The following REDIC1 variants were observed in gnomAD, a reference collection of about 807,000 sequenced individuals.
The protein encoded by REDIC1 is regulator of DNA class I crossover intermediates 1.
At chr12:39,708,982 C>G in the REDIC1 span, among the ~76,000 whole-genome samples, 1 of 151,752 alleles carries the variant, frequency 6.6e-6, no homozygotes, top group Non-Finnish European at 1.5e-5. Flanking sequence ...GTTGAGTAGT[C>G]CTGTCTGAGA....
At chr12:39,893,662 A>C in the REDIC1 span, among the ~76,000 whole-genome samples, 4 of 152,298 alleles carry the variant, frequency 2.6e-5, no homozygotes, top group Non-Finnish European at 5.9e-5. Context: ...TAAAAGTTAA[A>C]TTCTAACTAG....
At chr12:39,826,431 T>A in the REDIC1 span, among the ~76,000 whole-genome samples, 1 of 151,496 alleles carries the variant, frequency 6.6e-6, no homozygotes, top group African/African-American at 2.4e-5. Context: ...TAAAAACAGT[T>A]ATATTTAGAT....
chr12:39,664,765 A>G, the REDIC1 span, among the ~76,000 whole-genome samples: 3 of 152,218 alleles, frequency 2.0e-5, no homozygotes, highest in Non-Finnish European at 4.4e-5. Flanking sequence ...AATAATCGCC[A>G]TTCTAACTGG....
At chr12:39,816,322 T>C in the REDIC1 span, among the ~76,000 whole-genome samples, 1 of 150,814 alleles carries the variant, frequency 6.6e-6, no homozygotes, top group East Asian at 2.0e-4. Flanking sequence ...TAGGTTGGGT[T>C]GCCTAGAAAA....
At chr12:39,668,616 G>A in the REDIC1 span, among the ~76,000 whole-genome samples, 163 of 152,254 alleles carry the variant, frequency 1.1e-3, no homozygotes, top group African/African-American at 3.9e-3. Context: ...TGCTAGACTG[G>A]GGAGGTTCTC....
the REDIC1 span, among the ~76,000 whole-genome samples, chr12:39,748,692 A>G: frequency 6.6e-6 from 1 of 152,258 alleles, no homozygotes; most frequent in South Asian, 2.1e-4. Flanking sequence ...CAGCAAATGT[A>G]AAAGAACAGA....
chr12:39,743,481 C>CA, the REDIC1 span, among the ~76,000 whole-genome samples: 1 of 152,142 alleles, frequency 6.6e-6, no homozygotes, highest in East Asian at 1.9e-4. Flanking sequence ...TACTAAAAGG[C>CA]AAAAAACACA....
At chr12:39,895,530 A>G in the REDIC1 span, among the ~76,000 whole-genome samples, 8,238 of 97,622 alleles carry the variant, frequency 0.084, 1,351 homozygotes, top group East Asian at 0.23. Context: ...ATATATATAT[A>G]TATATATATA....
chr12:39,753,898 G>A, the REDIC1 span, among the ~76,000 whole-genome samples: 2 of 152,158 alleles, frequency 1.3e-5, no homozygotes, highest in East Asian at 1.9e-4. Context: ...TAGGCAGTAA[G>A]TTGAAAAGCT....
At chr12:39,688,081 G>A in the REDIC1 span, among the ~76,000 whole-genome samples, 1 of 152,188 alleles carries the variant, frequency 6.6e-6, no homozygotes, top group African/African-American at 2.4e-5. Flanking sequence ...AATGTTTCCT[G>A]TATGCTAGAC....
chr12:39,856,814 A>T, the REDIC1 span, among the ~76,000 whole-genome samples: 24 of 152,358 alleles, frequency 1.6e-4, no homozygotes, highest in Non-Finnish European at 2.6e-4. Flanking sequence ...AGAGTGTTTT[A>T]AGTGTTAATA....
the REDIC1 span, among the ~76,000 whole-genome samples, chr12:39,696,954 CT>C: frequency 6.6e-5 from 10 of 152,072 alleles, no homozygotes; most frequent in African/African-American, 2.2e-4. Context: ...GAGGGCAAAT[CT>C]AAGAGTGGTT....
chr12:39,664,537 C>T, the REDIC1 span, among the ~76,000 whole-genome samples: 7 of 152,046 alleles, frequency 4.6e-5, no homozygotes, highest in African/African-American at 7.2e-5. Context: ...AATAAACATA[C>T]GTGTGCATGT....
the REDIC1 span, among the ~76,000 whole-genome samples, chr12:39,685,648 A>G: frequency 6.6e-6 from 1 of 151,940 alleles, no homozygotes; most frequent in Non-Finnish European, 1.5e-5. Context: ...CAGCCCCCCA[A>G]ATCTCATGTC....
chr12:39,883,683 C>T, the REDIC1 span, among the ~76,000 whole-genome samples: 552 of 152,298 alleles, frequency 3.6e-3, 2 homozygotes, highest in African/African-American at 0.012. Context: ...TAAAGGTTCA[C>T]TTGTAAGTAA....
the REDIC1 span, among the ~76,000 whole-genome samples, chr12:39,644,789 G>T: frequency 6.6e-6 from 1 of 151,818 alleles, no homozygotes; most frequent in Non-Finnish European, 1.5e-5. Context: ...TCCATTGCTA[G>T]GTTTATGGCT....
the REDIC1 span, among the ~76,000 whole-genome samples, chr12:39,842,736 AT>A: frequency 6.6e-6 from 1 of 152,034 alleles, no homozygotes; most frequent in East Asian, 1.9e-4. Flanking sequence ...ATTCCGGAAC[AT>A]TTTCATTGCT....
chr12:39,668,995 C>T, the REDIC1 span, among the ~76,000 whole-genome samples: 93 of 152,002 alleles, frequency 6.1e-4, no homozygotes, highest in African/African-American at 2.2e-3. Flanking sequence ...GCCATGGGTT[C>T]GAACTTCCTC....
the REDIC1 span, among the ~76,000 whole-genome samples, chr12:39,782,804 G>A: frequency 6.6e-6 from 1 of 152,196 alleles, no homozygotes; most frequent in Non-Finnish European, 1.5e-5. Context: ...GGTCCAGGCT[G>A]AGGTGGTCTC....
Sources: gnomAD v4.1 joint callset for allele counts (sites outside exome capture counted in the v4.1 genomes callset) on GRCh38, gnomAD v4.1.1 for gene constraint, MANE v1.5 for transcripts, NCBI Gene and HGNC (gene_info 2026-07-23, HGNC 2026-07-21) for gene names.